Variants in DCDC2 observed in about 807,000 individuals in gnomAD.
DCDC2 encodes doublecortin domain containing 2.
A neutral mutation model predicts 50.2 loss-of-function variants in DCDC2; 40 were observed. The ratio of observed to expected loss-of-function variants is 0.80; its 90% confidence interval spans 0.62 to 1.04. The LOEUF (loss-of-function observed/expected upper bound fraction) is 1.04. Ranked by LOEUF, DCDC2 falls within the 50% of genes least tolerant of loss-of-function variation. The probability of loss-of-function intolerance (pLI) is 0.00; values close to 1 mark genes in which losing one functional copy is unlikely to be tolerated. For missense variants in DCDC2, 570 were observed against 581.9 expected (o/e 0.98, Z 0.21); for synonymous variants, 234 against 210.6 (o/e 1.11, Z -0.96).
chr6:24,309,286 T>C (rs977881787), intron 2 of DCDC2, among the ~76,000 whole-genome samples: 10 of 125,364 alleles, frequency 8.0e-5, no homozygotes, highest in African/African-American at 2.6e-4. Flanking sequence ...GATCACGCCA[T>C]TGCACTCCAG....
In DCDC2 at chr6:24,301,743, T is replaced by G. The variant is rs756523481; in HGVS notation, c.529A>C (p.Ile177Leu). ...TGAACAGCCCCGCTCCTCAGAGTGA[T>G]TTTTTCTGTGACCATTTGTAGTACA... ...DHVLQMVTEK[I>L]TLRSGAVHRL... is the part of the protein sequence containing the mutation. Residue 177 changes from isoleucine to leucine, a missense_variant, in exon 4 of 10, where the codon ATC becomes CTC. Coordinates refer to ENST00000378454, the MANE Select transcript of DCDC2 (RefSeq NM_016356.5). The G allele has an allele frequency of 1.9e-6, 3 of 1,614,110 alleles. No homozygotes were observed. The highest frequency in any genetic ancestry group is 2.5e-6 in the Non-Finnish European group (3 of 1,180,030).
intron 2 of DCDC2, 75 bp from the exon 3 acceptor site, chr6:24,302,119 C>A: frequency 7.4e-7 from 1 of 1,351,598 alleles, no homozygotes; most frequent in Non-Finnish European, 1.0e-6. Context: ...GGAAAATCTA[C>A]AGTTTCTAGG....
At chr6:24,179,066 A>G (rs1013332427) in intron 8 of DCDC2, among the ~76,000 whole-genome samples, 2 of 152,048 alleles carry the variant, frequency 1.3e-5, no homozygotes, top group Non-Finnish European at 2.9e-5. Flanking sequence ...GTCTTTGTGG[A>G]AAGATTGTCA....
chr6:24,233,832 A>G (rs371655082), intron 7 of DCDC2, among the ~76,000 whole-genome samples: 2 of 152,346 alleles, frequency 1.3e-5, no homozygotes, highest in South Asian at 2.1e-4. Flanking sequence ...ATATCTTTGT[A>G]TATAGGATGG....
intron 7 of DCDC2, among the ~76,000 whole-genome samples, chr6:24,209,780 T>G (rs1761815399): frequency 6.6e-6 from 1 of 152,132 alleles, no homozygotes; most frequent in Non-Finnish European, 1.5e-5. Context: ...AAAAGTGAGC[T>G]CTTGGGAAAA....
intron 7 of DCDC2, among the ~76,000 whole-genome samples, chr6:24,208,357 G>A (rs1190400570): frequency 1.4e-5 from 2 of 141,296 alleles, no homozygotes; most frequent in Admixed American, 1.4e-4. Flanking sequence ...TCCCTCCTCT[G>A]TGCTACTTTT....
chr6:24,249,042 T>A (rs1313821110), intron 7 of DCDC2, among the ~76,000 whole-genome samples: 3 of 152,202 alleles, frequency 2.0e-5, no homozygotes, highest in Non-Finnish European at 4.4e-5. Flanking sequence ...CAGGTGACCA[T>A]AATTTCCAAG....
intron 7 of DCDC2, among the ~76,000 whole-genome samples, chr6:24,208,170 GCTTTTT>G (rs2113764143): frequency 6.6e-6 from 1 of 152,154 alleles, no homozygotes; most frequent in East Asian, 1.9e-4. Context: ...GACCCGCTAT[GCTTTTT>G]CATGTCTCAC....
chr6:24,242,516 C>CCCCCCACCT, intron 7 of DCDC2, among the ~76,000 whole-genome samples: 1 of 152,174 alleles, frequency 6.6e-6, no homozygotes, highest in Non-Finnish European at 1.5e-5. Context: ...CTCTCCGTGT[C>CCCCCCACCT]CTCCCACTCC....
chr6:24,357,953 T>A lies in DCDC2; in HGVS notation c.-203A>T. The A allele has an allele frequency of 6.7e-7, 1 of 1,496,962 alleles. No homozygotes were observed. The allele number at this position is 1,496,962 out of a possible 1,614,324, so 92.7% of individuals were successfully genotyped here. ...CACTAGGAGCTTGCAGGACTCGGAG[T>A]AGACGCTCAAGTTTTTCACCGTGGC... is the stretch of plus-strand genomic sequence containing the variant. On this transcript the variant is annotated 5_prime_UTR_variant, in exon 1 of 10. Coordinates refer to ENST00000378454, the MANE Select transcript of DCDC2 (RefSeq NM_016356.5).
At chr6:24,361,417 C>A (rs1391122349), upstream of DCDC2, among the ~76,000 whole-genome samples, 20 of 149,786 alleles carry the variant, frequency 1.3e-4, no homozygotes, top group Non-Finnish European at 1.5e-5. Flanking sequence ...TACCCCTGAA[C>A]CTAAAATGAA....
At chr6:24,190,541 AAAAAAAG>A (rs1581576860) in intron 8 of DCDC2, among the ~76,000 whole-genome samples, 1 of 152,178 alleles carries the variant, frequency 6.6e-6, no homozygotes, top group East Asian at 1.9e-4. Flanking sequence ...AAATATATTT[AAAAAAAG>A]AAAAAAGTTC....
intron 7 of DCDC2, among the ~76,000 whole-genome samples, chr6:24,267,476 C>A (rs932397701): frequency 3.3e-5 from 5 of 152,098 alleles, no homozygotes; most frequent in African/African-American, 9.7e-5. Flanking sequence ...AACAAAAATT[C>A]TATGTCCATC....
At chr6:24,219,511 A>C (rs1762052520) in intron 7 of DCDC2, among the ~76,000 whole-genome samples, 1 of 152,204 alleles carries the variant, frequency 6.6e-6, no homozygotes, top group Non-Finnish European at 1.5e-5. Context: ...CTAATCTGCC[A>C]ACCATGACCC....
chr6:24,222,947 C>A (rs1179043429), intron 7 of DCDC2, among the ~76,000 whole-genome samples: 1 of 152,108 alleles, frequency 6.6e-6, no homozygotes, highest in Non-Finnish European at 1.5e-5. Context: ...AATAGCTGAA[C>A]TTTTAAGAAA....
chr6:24,343,658 T>C (rs1371276030), intron 2 of DCDC2, among the ~76,000 whole-genome samples: 1 of 152,226 alleles, frequency 6.6e-6, no homozygotes, highest in African/African-American at 2.4e-5. Flanking sequence ...GATCATGCAC[T>C]GTACTACACA....
chr6:24,379,355 A>G, the DCDC2 span, among the ~76,000 whole-genome samples: 1 of 149,340 alleles, frequency 6.7e-6, no homozygotes, highest in Admixed American at 6.8e-5. Flanking sequence ...AAAAAAACAA[A>G]CAACCCCATC....
chr6:24,178,629 G>A lies in DCDC2; in HGVS notation c.1027C>T (p.Pro343Ser), dbSNP rs1760979847. 1 of 1,610,898 alleles carries A rather than the reference G, an allele frequency of 6.2e-7. No homozygotes were observed. Among genetic ancestry groups the A allele is most frequent in the Admixed American group, 1.7e-5 (1 of 59,816 alleles). Residue 343 changes from proline (P) to serine (S), a missense_variant, in exon 9 of 10, where the codon CCA becomes TCA. Pro to Ser is a moderately conservative substitution (Grantham distance 74). Transcript: ENST00000378454. Reference sequence around the variant, plus strand: ...TCTTCCTCGTCTACTATTTCTGCTGGCCTCTGATGGATCAAAAGGAATAAT... The same window carrying A: ...TCTTCCTCGTCTACTATTTCTGCTGACCTCTGATGGATCAAAAGGAATAAT... ...TQVEVPVDQR[P>S]AEIVDEEEDG...
chr6:24,347,558 T>C (rs566182873), intron 2 of DCDC2, among the ~76,000 whole-genome samples: 1 of 152,320 alleles, frequency 6.6e-6, no homozygotes, highest in African/African-American at 2.4e-5. Flanking sequence ...TTACTAGTAA[T>C]CTAGAGATGA....
Sources: gnomAD v4.1 joint callset for allele counts (sites outside exome capture counted in the v4.1 genomes callset) on GRCh38, gnomAD v4.1.1 for gene constraint, MANE v1.5 for transcripts, NCBI Gene and HGNC (gene_info 2026-07-23, HGNC 2026-07-21) for gene names.